Variants in ASIC2 observed in about 807,000 individuals in gnomAD.
The protein encoded by ASIC2 is acid sensing ion channel subunit 2, also known as acid-sensing ion channel 2.
A neutral mutation model predicts 57.3 loss-of-function variants in ASIC2; 25 were observed. That is an observed-to-expected ratio of 0.44 (90% CI 0.32 to 0.61). The LOEUF (loss-of-function observed/expected upper bound fraction) is 0.61, where lower values mean the gene tolerates loss of function less well. Ranked by LOEUF, ASIC2 falls within the 20% of genes least tolerant of loss-of-function variation. The probability of loss-of-function intolerance (pLI) is 0.06; values close to 1 mark genes in which losing one functional copy is unlikely to be tolerated. For synonymous variants in ASIC2, 319 were observed against 307.5 expected (o/e 1.04, Z -0.39); for missense variants, 641 against 738.1 (o/e 0.87, Z 1.52).
At chr17:33,140,047 C>T (rs183953238) in intron 1 of ASIC2, among the ~76,000 whole-genome samples, 1 of 152,352 alleles carries the variant, frequency 6.6e-6, no homozygotes, top group African/African-American at 2.4e-5. Flanking sequence ...CCAGCTGCAT[C>T]AGCACTACCT....
chr17:34,144,638 ATTAT>A (rs1366524667), intron 1 of ASIC2, among the ~76,000 whole-genome samples: 1 of 152,160 alleles, frequency 6.6e-6, no homozygotes, highest in Non-Finnish European at 1.5e-5. Context: ...TATTATTATT[ATTAT>A]TTAATAGATG....
At chr17:33,064,136 G>A (rs1457143706) in intron 3 of ASIC2, among the ~76,000 whole-genome samples, 8 of 151,942 alleles carry the variant, frequency 5.3e-5, no homozygotes, top group South Asian at 4.1e-4. Flanking sequence ...AAGTTTGATC[G>A]TCTGAAGCCT....
At chr17:33,423,761 T>C (rs1911122878) in intron 1 of ASIC2, among the ~76,000 whole-genome samples, 3 of 152,190 alleles carry the variant, frequency 2.0e-5, no homozygotes. Context: ...CTTGTTCATA[T>C]CCAGAACAAC....
At chr17:33,523,319 C>T (rs995921335) in intron 1 of ASIC2, among the ~76,000 whole-genome samples, 1 of 152,142 alleles carries the variant, frequency 6.6e-6, no homozygotes, top group African/African-American at 2.4e-5. Context: ...TGCAGTGACA[C>T]CATCTGGGCT....
chr17:33,188,793 T>C lies in ASIC2; in HGVS notation c.709-76726A>G, dbSNP rs1276959056. On this transcript the variant is annotated intron_variant, in intron 1 of 9. Coordinates refer to ENST00000225823, the MANE Select transcript of ASIC2 (RefSeq NM_183377.2). ...TCATCACCAGAAAACAATTACCACA[T>C]GAAATACTGAAATAAGTCCTTTAAG... Among the ~76,000 whole-genome samples the C allele has an allele frequency of 2.0e-5, 3 of 152,026 alleles. No homozygotes were observed. The East Asian group carries it at 5.8e-4, about 29-fold the overall frequency.
intron 1 of ASIC2, among the ~76,000 whole-genome samples, chr17:33,402,914 C>A (rs959688039): frequency 6.6e-6 from 1 of 152,162 alleles, no homozygotes; most frequent in African/African-American, 2.4e-5. Flanking sequence ...CAGTGAGATA[C>A]CATCTCATGC....
chr17:33,992,803 G>A (rs1567781051), intron 1 of ASIC2, among the ~76,000 whole-genome samples: 1 of 152,196 alleles, frequency 6.6e-6, no homozygotes, highest in Admixed American at 6.5e-5. Context: ...CATTTAGGAT[G>A]TAATAAGAAC....
chr17:33,142,861 G>C (rs1197491599), intron 1 of ASIC2, among the ~76,000 whole-genome samples: 1 of 152,186 alleles, frequency 6.6e-6, no homozygotes, highest in Non-Finnish European at 1.5e-5. Context: ...TCCCGTAGAT[G>C]GTAAATTTCC....
intron 1 of ASIC2, among the ~76,000 whole-genome samples, chr17:33,250,207 G>T (rs1457817960): frequency 6.6e-6 from 1 of 152,258 alleles, no homozygotes; most frequent in Non-Finnish European, 1.5e-5. Flanking sequence ...AGGTGCTCAA[G>T]AATTTTGGTC....
intron 1 of ASIC2, among the ~76,000 whole-genome samples, chr17:33,413,570 C>T (rs896315241): frequency 1.3e-5 from 2 of 152,240 alleles, no homozygotes; most frequent in African/African-American, 4.8e-5. Flanking sequence ...AAGGCCTCGC[C>T]TAGGCCCTTT....
chr17:33,229,982 TG>T (rs1908027144), intron 1 of ASIC2, among the ~76,000 whole-genome samples: 1 of 152,188 alleles, frequency 6.6e-6, no homozygotes, highest in South Asian at 2.1e-4. Context: ...GTCCTGATTC[TG>T]GGATTCTGGA....
chr17:33,831,679 G>A (rs1256234741), intron 1 of ASIC2, among the ~76,000 whole-genome samples: 2 of 152,058 alleles, frequency 1.3e-5, no homozygotes, highest in East Asian at 3.9e-4. Context: ...TGCATATGGG[G>A]CACTGAGCTC....
chr17:33,259,476 C>T (rs909665396), intron 1 of ASIC2, among the ~76,000 whole-genome samples: 1 of 152,048 alleles, frequency 6.6e-6, no homozygotes, highest in African/African-American at 2.4e-5. Flanking sequence ...GCACCTCCCA[C>T]CGCCCATTCC....
At chr17:33,107,559 T>A (rs2092239966) in intron 2 of ASIC2, among the ~76,000 whole-genome samples, 1 of 152,204 alleles carries the variant, frequency 6.6e-6, no homozygotes, top group African/African-American at 2.4e-5. Flanking sequence ...TGGCATATTA[T>A]CACGGTGCCC....
At chr17:33,678,503 A>C (rs1474288156) in intron 1 of ASIC2, among the ~76,000 whole-genome samples, 1 of 149,758 alleles carries the variant, frequency 6.7e-6, no homozygotes, top group African/African-American at 2.5e-5. Flanking sequence ...ACAGCCCAGA[A>C]GGAGGAAGAG....
chr17:33,775,884 G>A (rs1234964648), intron 1 of ASIC2, among the ~76,000 whole-genome samples: 2 of 152,156 alleles, frequency 1.3e-5, no homozygotes, highest in East Asian at 3.9e-4. Flanking sequence ...TGTAATCCCA[G>A]CACTTTGGGA....
intron 1 of ASIC2, among the ~76,000 whole-genome samples, chr17:33,633,375 G>C (rs1277949535): frequency 2.0e-5 from 3 of 152,148 alleles, no homozygotes; most frequent in African/African-American, 7.2e-5. Flanking sequence ...GTGGACTCTG[G>C]GACATAGAAA....
intron 1 of ASIC2, among the ~76,000 whole-genome samples, chr17:33,650,635 C>G (rs940931897): frequency 6.6e-6 from 1 of 152,116 alleles, no homozygotes; most frequent in Non-Finnish European, 1.5e-5. Context: ...AAAATACTTC[C>G]TGGCAATAAG....
At chr17:33,411,372 T>C (rs893553184) in intron 1 of ASIC2, among the ~76,000 whole-genome samples, 2 of 152,222 alleles carry the variant, frequency 1.3e-5, no homozygotes, top group African/African-American at 4.8e-5. Flanking sequence ...AACCCCCAAA[T>C]GAATATCATT....
Sources: allele counts gnomAD v4.1 joint callset (sites outside exome capture counted in the v4.1 genomes callset), GRCh38; gene constraint gnomAD v4.1.1; transcripts MANE v1.5; gene names NCBI Gene and HGNC (gene_info 2026-07-23, HGNC 2026-07-21).